CCDC57: variants seen among roughly 807,000 people sequenced by gnomAD.
CCDC57 encodes coiled-coil domain containing 57, also known as coiled-coil domain-containing protein 57.
A neutral mutation model predicts 118.9 loss-of-function variants in CCDC57; 118 were observed. The observed-to-expected ratio is 0.99, with a 90% CI of 0.86 to 1.16. The LOEUF (loss-of-function observed/expected upper bound fraction) is 1.16, where lower values mean the gene tolerates loss of function less well. CCDC57 is among the 50% of genes most tolerant of loss of function. The pLI is 0.00. For synonymous variants in CCDC57, 527 were observed against 532.9 expected (o/e 0.99, Z 0.15); for missense variants, 1,300 against 1,320.7 (o/e 0.98, Z 0.24).
In CCDC57 at chr17:82,143,331, GAGA is replaced by G. The variant is rs373734220; in HGVS notation, c.2455+8226_2455+8228del. On this transcript the variant is annotated intron_variant, in intron 16 of 19. Transcript: ENST00000665763. ...TGAAACATTCAATCTAAGAAATCAG[GAGA>G]AGAACAATAAAATAAACACAAGAAC... 4.4e-3 allele frequency among the ~76,000 whole-genome samples: 677 copies of G among 152,206 alleles called. 5 individuals are homozygous for G. The highest frequency in any genetic ancestry group is 0.015 in the African/African-American group (634 of 41,522).
chr17:82,179,171 G>A, exon 10 of CCDC57: 4 of 1,613,738 alleles, frequency 2.5e-6, no homozygotes, highest in Non-Finnish European at 2.5e-6. Flanking sequence ...CCACTGCCAG[G>A]GACAGCTGTT....
chr17:82,171,982 C>T (rs1021392717), intron 12 of CCDC57, 129 bp from the exon 12 acceptor site: 1 of 915,716 alleles, frequency 1.1e-6, no homozygotes, highest in South Asian at 1.6e-5. Context: ...GTCCTCCTCA[C>T]ACTACAGCTT....
At chr17:82,154,202 A>G (rs1203392420) in intron 15 of CCDC57, 1 of 152,402 alleles carries the variant, frequency 6.6e-6, no homozygotes, top group Non-Finnish European at 1.5e-5. Context: ...GGCTCAGCCC[A>G]GTGGGACCTG....
chr17:82,135,823 G>A (rs912373025), intron 16 of CCDC57, among the ~76,000 whole-genome samples: 1 of 9,144 alleles, frequency 1.1e-4, no homozygotes, highest in African/African-American at 1.2e-4. Flanking sequence ...ACACTGGGAG[G>A]CCGGGTGGGG....
intron 13 of CCDC57, among the ~76,000 whole-genome samples, chr17:82,164,306 G>A (rs1456755945): frequency 2.6e-5 from 4 of 151,860 alleles, no homozygotes; most frequent in African/African-American, 4.8e-5. Context: ...GATTGAACTC[G>A]GGAGGCGGAG....
At position 82,198,495 on chromosome 17, in the gene CCDC57, C is replaced by G; in HGVS notation, c.408-73G>C. On this transcript the variant is annotated intron_variant, in intron 3 of 19. Transcript: ENST00000665763. ...AAAGGTAATACATTTTCAAGGTGCA[C>G]TTGACATGTGAAAGTTGGTGCTTTG... The G allele has an allele frequency of 3.8e-6, 4 of 1,055,592 alleles. No individual in the cohort carries two copies. In the South Asian group the frequency reaches 5.6e-5, roughly 15 times the overall value. The allele number at this position is 1,055,592 out of a possible 1,614,324, so 65.4% of individuals were successfully genotyped here.
At chr17:82,178,567 C>T (rs1215740502) in exon 11 of CCDC57, 1 of 1,613,362 alleles carries the variant, frequency 6.2e-7, no homozygotes, top group Non-Finnish European at 8.5e-7. Flanking sequence ...CCTCCTGCTC[C>T]TGTAGCGCCT....
exon 14 of CCDC57, chr17:82,163,213 C>T (rs777302625): frequency 4.3e-6 from 7 of 1,613,748 alleles, no homozygotes; most frequent in Non-Finnish European, 5.1e-6. Context: ...CTGTCTGAGT[C>T]GTGTCACCAG....
chr17:82,199,376 G>C (rs1407799831), intron 3 of CCDC57, among the ~76,000 whole-genome samples: 1 of 149,278 alleles, frequency 6.7e-6, no homozygotes, highest in Non-Finnish European at 1.5e-5. Flanking sequence ...TCCTCGGGAG[G>C]CTGAGGCAGG....
intron 1 of CCDC57, among the ~76,000 whole-genome samples, chr17:82,211,425 C>T (rs933282640): frequency 5.3e-5 from 8 of 152,166 alleles, no homozygotes; most frequent in African/African-American, 1.9e-4. Context: ...CCAACATGAA[C>T]GCCAGCGTCT....
At chr17:82,176,046 T>C (rs1260955536) in intron 11 of CCDC57, among the ~76,000 whole-genome samples, 1 of 152,224 alleles carries the variant, frequency 6.6e-6, no homozygotes, top group Non-Finnish European at 1.5e-5. Context: ...GGCTTGCTTG[T>C]CTGACATAAT....
At chr17:82,197,819 G>A (rs1042830222) in intron 4 of CCDC57, among the ~76,000 whole-genome samples, 2 of 152,136 alleles carry the variant, frequency 1.3e-5, no homozygotes, top group Admixed American at 6.6e-5. Context: ...TGAGACACTC[G>A]CCTTCTCCTG....
At chr17:82,144,311 T>A (rs998283469) in intron 16 of CCDC57, among the ~76,000 whole-genome samples, 19 of 149,018 alleles carry the variant, frequency 1.3e-4, no homozygotes, top group African/African-American at 2.5e-4. Flanking sequence ...CCATCTCTTT[T>A]AAAAAAAAAA....
chr17:82,183,713 C>T lies in CCDC57; in HGVS notation c.1211+61G>A, dbSNP rs577531902. ...TCTGTTCAGTTTTGAATCCTTAGTACCTACAACAGCACCTGCCCATAGGAG... is the reference window on the plus strand; with the variant it reads ...TCTGTTCAGTTTTGAATCCTTAGTATCTACAACAGCACCTGCCCATAGGAG... On this transcript the variant is annotated intron_variant, in intron 9 of 19. Transcript: ENST00000665763. 99 of 1,484,702 alleles carry T rather than the reference C, an allele frequency of 6.7e-5. 4 individuals carry two copies. In the South Asian group the frequency reaches 1.1e-3, roughly 17 times the overall value. The allele number at this position is 1,484,702 out of a possible 1,614,324, so 92.0% of individuals were successfully genotyped here.
At chr17:82,125,613 T>G (rs1223905372) in intron 19 of CCDC57, among the ~76,000 whole-genome samples, 1 of 152,108 alleles carries the variant, frequency 6.6e-6, no homozygotes, top group Non-Finnish European at 1.5e-5. Context: ...TGACCTCAAC[T>G]GATCCACCTG....
intron 19 of CCDC57, chr17:82,127,420 G>A (rs1353109494): frequency 1.3e-5 from 13 of 984,258 alleles, no homozygotes; most frequent in East Asian, 2.3e-4. Flanking sequence ...CCGGGTGTAC[G>A]GTGCTGCATT....
chr17:82,185,716 A>G (rs962383536), intron 8 of CCDC57, among the ~76,000 whole-genome samples: 2 of 150,854 alleles, frequency 1.3e-5, no homozygotes, highest in African/African-American at 4.9e-5. Context: ...TGAAAAACCT[A>G]TTAAGAACTA....
chr17:82,150,781 T>A (rs1453020751), intron 16 of CCDC57, among the ~76,000 whole-genome samples: 6 of 74,462 alleles, frequency 8.1e-5, no homozygotes, highest in African/African-American at 1.1e-4. Flanking sequence ...ACTCAGAACC[T>A]GGTGCACACC....
At position 82,158,051 on chromosome 17, in the gene CCDC57, G is replaced by A. The variant is rs116157276; in HGVS notation, c.2041-103C>T. On this transcript the variant is annotated intron_variant, in intron 14 of 19. Transcript: ENST00000665763. ...GCGCTGTGAGTGCCGGGAAAGAACG[G>A]GGAGCCCGGGGTCAGGGCCTCCTCC... is the stretch of plus-strand genomic sequence containing the variant. The A allele has an allele frequency of 3.1e-3, 4,549 of 1,458,364 alleles. 136 individuals are homozygous for A. The African/African-American group carries it at 0.058, about 19-fold the overall frequency. The allele number at this position is 1,458,364 out of a possible 1,614,324, so 90.3% of individuals were successfully genotyped here. A position where few individuals can be genotyped will look rare whatever the true frequency, so the allele number is the denominator to read the frequency against.
Sources: allele counts gnomAD v4.1 joint callset (sites outside exome capture counted in the v4.1 genomes callset), GRCh38; gene constraint gnomAD v4.1.1; transcripts MANE v1.5; gene names NCBI Gene and HGNC (gene_info 2026-07-23, HGNC 2026-07-21).